The following PDGFD variants were observed in gnomAD, a reference collection of about 807,000 sequenced individuals.
PDGFD encodes the protein platelet derived growth factor D.
A neutral mutation model predicts 44.7 loss-of-function variants in PDGFD; 30 were observed. That is an observed-to-expected ratio of 0.67 (90% confidence interval 0.50 to 0.91). PDGFD has a LOEUF of 0.91. PDGFD is among the 40% of genes least tolerant of loss of function. The probability of loss-of-function intolerance (pLI) is 0.00; values close to 1 mark genes in which losing one functional copy is unlikely to be tolerated. For missense variants in PDGFD, 445 were observed against 457.8 expected, an observed-to-expected ratio of 0.97 and a Z score of 0.25; for synonymous variants, 173 against 168.4, an observed-to-expected ratio of 1.03 and a Z score of -0.21.
Position 104,102,699 on chromosome 11 carries a change from C to A in PDGFD, c.124+61105G>T, listed in dbSNP as rs1861407507. 1.3e-5 allele frequency among the ~76,000 whole-genome samples: 2 copies of A among 152,128 alleles called. 1 individual carries two copies. Among genetic ancestry groups the A allele is most frequent in the South Asian group, 4.1e-4 (2 of 4,828 alleles). On this transcript the variant is annotated intron_variant, in intron 1 of 6. Coordinates refer to ENST00000393158, the MANE Select transcript of PDGFD (RefSeq NM_025208.5). ...AACCCAAATGTCCATCAGTGATAGA[C>A]TGGATTAAGAAAATGTGGCACATAT...
chr11:104,115,799 A>C (rs1272435434), intron 1 of PDGFD, among the ~76,000 whole-genome samples: 2 of 151,774 alleles, frequency 1.3e-5, no homozygotes, highest in Non-Finnish European at 2.9e-5. Context: ...GATGTTGAGC[A>C]TTTTTTCATT....
intron 1 of PDGFD, among the ~76,000 whole-genome samples, chr11:104,072,285 C>G (rs973837093): frequency 6.6e-6 from 1 of 151,704 alleles, no homozygotes; most frequent in Non-Finnish European, 1.5e-5. Flanking sequence ...TAGTGTATTA[C>G]TTTTTCCACA....
intron 1 of PDGFD, among the ~76,000 whole-genome samples, chr11:104,034,145 T>C (rs1369273685): frequency 1.3e-5 from 2 of 152,170 alleles, no homozygotes; most frequent in Non-Finnish European, 2.9e-5. Context: ...TCCCTCACCA[T>C]CTTCTTCATC....
intron 1 of PDGFD, among the ~76,000 whole-genome samples, chr11:104,035,953 A>G (rs1285023876): frequency 1.3e-5 from 2 of 152,046 alleles, no homozygotes; most frequent in Non-Finnish European, 1.5e-5. Context: ...TATTGTGATT[A>G]CCCATTCACC....
intron 5 of PDGFD, among the ~76,000 whole-genome samples, chr11:103,936,265 T>C (rs1241225323): frequency 6.6e-6 from 1 of 152,220 alleles, no homozygotes; most frequent in Non-Finnish European, 1.5e-5. Flanking sequence ...TCATCACTGG[T>C]GTCGGCCAAC....
chr11:104,057,163 T>G (rs1860633351), intron 1 of PDGFD, among the ~76,000 whole-genome samples: 1 of 152,082 alleles, frequency 6.6e-6, no homozygotes. Context: ...ACAAGGTTCT[T>G]AAGAATGAGT....
intron 3 of PDGFD, among the ~76,000 whole-genome samples, chr11:103,988,512 ACATGCAAAACATTCTCAAAGTCAGAT>A: frequency 6.6e-6 from 1 of 152,182 alleles, no homozygotes; most frequent in Non-Finnish European, 1.5e-5. Context: ...GGACTAGTCA[ACATGCAAAACATTCTCAAAGTCAGAT>A]AACACACAAA....
chr11:103,941,861 G>A (rs900436263), intron 5 of PDGFD, among the ~76,000 whole-genome samples: 1 of 152,074 alleles, frequency 6.6e-6, no homozygotes, highest in East Asian at 1.9e-4. Context: ...ATTTCCTCTG[G>A]GGTTTTCAAA....
chr11:104,075,486 T>A (rs2134424289), intron 1 of PDGFD, among the ~76,000 whole-genome samples: 1 of 152,104 alleles, frequency 6.6e-6, no homozygotes, highest in Non-Finnish European at 1.5e-5. Context: ...ATTTTGCTAG[T>A]TTTTAAATTT....
chr11:104,096,291 T>C (rs1023469231), intron 1 of PDGFD, among the ~76,000 whole-genome samples: 4 of 151,914 alleles, frequency 2.6e-5, no homozygotes, highest in African/African-American at 7.2e-5. Context: ...TATCACAACA[T>C]GGCTAACAAT....
chr11:104,120,119 ACTTT>A (rs1257934596), intron 1 of PDGFD, among the ~76,000 whole-genome samples: 1 of 150,558 alleles, frequency 6.6e-6, no homozygotes, highest in Non-Finnish European at 1.5e-5. Context: ...GACTTATAGC[ACTTT>A]CTTTCAGTTT....
chr11:104,131,970 T>TA (rs869050810), intron 1 of PDGFD, among the ~76,000 whole-genome samples: 1 of 146,322 alleles, frequency 6.8e-6, no homozygotes, highest in African/African-American at 2.7e-5. Context: ...GAAGATCTGT[T>TA]AAAAAACAAA....
chr11:104,011,246 T>A (rs1325072261), intron 1 of PDGFD, among the ~76,000 whole-genome samples: 4 of 152,104 alleles, frequency 2.6e-5, no homozygotes, highest in Non-Finnish European at 1.5e-5. Flanking sequence ...TAGTCACTTC[T>A]GACTAAAGGG....
chr11:103,937,521 G>T (rs1356248816), intron 5 of PDGFD, among the ~76,000 whole-genome samples: 1 of 151,800 alleles, frequency 6.6e-6, no homozygotes, highest in Non-Finnish European at 1.5e-5. Context: ...AAATTCATAG[G>T]TATATGTTTT....
intron 1 of PDGFD, among the ~76,000 whole-genome samples, chr11:104,163,026 A>C (rs1862411952): frequency 6.6e-6 from 1 of 152,192 alleles, no homozygotes; most frequent in Non-Finnish European, 1.5e-5. Flanking sequence ...GGTGTCCTCT[A>C]GAGTAAAGGA....
At chr11:103,928,477 G>T (rs1467714962) in intron 5 of PDGFD, among the ~76,000 whole-genome samples, 1 of 152,178 alleles carries the variant, frequency 6.6e-6, no homozygotes, top group African/African-American at 2.4e-5. Flanking sequence ...GGGAGCAGAG[G>T]TCAAAAGTCA....
intron 1 of PDGFD, among the ~76,000 whole-genome samples, chr11:104,096,954 C>T (rs540492766): frequency 1.3e-5 from 2 of 152,128 alleles, no homozygotes; most frequent in Non-Finnish European, 2.9e-5. Context: ...AGTGAGGTCA[C>T]TATTTATTAC....
chr11:104,006,181 C>G lies in PDGFD; in HGVS notation c.125-5926G>C, dbSNP rs78876024. ...GTCCCCAGAGCATCATTATTAACATCACCTAGGAGTCTGTTAGGAATGTAA... is the reference window on the plus strand; with the variant it reads ...GTCCCCAGAGCATCATTATTAACATGACCTAGGAGTCTGTTAGGAATGTAA... On this transcript the variant is annotated intron_variant, in intron 1 of 6. Coordinates refer to ENST00000393158, the MANE Select transcript of PDGFD (RefSeq NM_025208.5). 6.2e-3 allele frequency among the ~76,000 whole-genome samples: 951 copies of G among 152,290 alleles called. 10 individuals carry two copies. The highest frequency in any genetic ancestry group is 0.021 in the African/African-American group (888 of 41,564).
At chr11:103,950,571 A>AAAATAAAT (rs112585777) in intron 3 of PDGFD, among the ~76,000 whole-genome samples, 2,651 of 146,260 alleles carry the variant, frequency 0.018, 81 homozygotes, top group African/African-American at 0.063. Context: ...CTCAAAAGAA[A>AAAATAAAT]AAATAAATAA....
Sources: gnomAD v4.1 joint callset for allele counts (sites outside exome capture counted in the v4.1 genomes callset) on GRCh38, gnomAD v4.1.1 for gene constraint, MANE v1.5 for transcripts, NCBI Gene and HGNC (gene_info 2026-07-23, HGNC 2026-07-21) for gene names.